SNX29: variants seen among roughly 807,000 people sequenced by gnomAD.
The protein encoded by SNX29 is sorting nexin 29, also known as sorting nexin-29.
SNX29 carries 78 observed loss-of-function variants against 102.1 expected under a neutral mutation model. That is an observed-to-expected ratio of 0.76 (90% CI 0.64 to 0.92). The LOEUF (loss-of-function observed/expected upper bound fraction) is 0.92, where lower values mean the gene tolerates loss of function less well. Ranked by LOEUF, SNX29 falls within the 40% of genes least tolerant of loss-of-function variation. The pLI is 0.00. For synonymous variants in SNX29, 580 were observed against 414.5 expected (o/e 1.40, Z -4.85); for missense variants, 1,280 against 1,061.7 (o/e 1.21, Z -2.86).
intron 13 of SNX29, among the ~76,000 whole-genome samples, chr16:12,138,048 C>T (rs368359044): frequency 6.6e-6 from 1 of 152,112 alleles, no homozygotes; most frequent in East Asian, 1.9e-4. Context: ...TTAGCAATGT[C>T]TGCCATGCCC....
chr16:12,542,426 C>T (rs1421007889), intron 20 of SNX29, among the ~76,000 whole-genome samples: 1 of 152,224 alleles, frequency 6.6e-6, no homozygotes, highest in Non-Finnish European at 1.5e-5. Context: ...GCCTTCGCCT[C>T]CCAAGTTCAA....
chr16:12,183,749 A>G (rs929530223), intron 13 of SNX29, among the ~76,000 whole-genome samples: 1 of 152,242 alleles, frequency 6.6e-6, no homozygotes, highest in African/African-American at 2.4e-5. Context: ...TGGATGAGAT[A>G]GGAGGTCGGC....
chr16:12,500,888 G>A (rs772682526), intron 19 of SNX29, among the ~76,000 whole-genome samples: 2 of 152,092 alleles, frequency 1.3e-5, no homozygotes, highest in Non-Finnish European at 2.9e-5. Context: ...CTTCCTCCCC[G>A]CCTCACCTTG....
chr16:12,218,584 TC>T (rs1264303359), intron 14 of SNX29, among the ~76,000 whole-genome samples: 4 of 152,216 alleles, frequency 2.6e-5, no homozygotes, highest in African/African-American at 9.7e-5. Context: ...TGTGTGCTGA[TC>T]CCTGGTCAAC....
chr16:12,365,162 A>G (rs1044909181), intron 16 of SNX29, among the ~76,000 whole-genome samples: 2 of 151,988 alleles, frequency 1.3e-5, no homozygotes, highest in East Asian at 1.9e-4. Flanking sequence ...ATGTTTTCCA[A>G]TTTCAAGCAA....
chr16:12,066,005 G>C (rs2051018793), intron 9 of SNX29, among the ~76,000 whole-genome samples: 1 of 152,166 alleles, frequency 6.6e-6, no homozygotes, highest in East Asian at 1.9e-4. Flanking sequence ...CAGAGCGTCA[G>C]GCCCACAACA....
chr16:12,289,311 C>T (rs142214128), intron 15 of SNX29, among the ~76,000 whole-genome samples: 1 of 152,298 alleles, frequency 6.6e-6, no homozygotes, highest in Non-Finnish European at 1.5e-5. Flanking sequence ...CTTCCTTCTT[C>T]CCTCCTCTCC....
intron 13 of SNX29, among the ~76,000 whole-genome samples, chr16:12,193,602 A>G (rs944383251): frequency 2.0e-5 from 3 of 152,222 alleles, no homozygotes; most frequent in Non-Finnish European, 4.4e-5. Flanking sequence ...ATTTTCTCCA[A>G]CATTTTCTTC....
At chr16:12,227,817 T>G (rs2077656197) in intron 14 of SNX29, among the ~76,000 whole-genome samples, 1 of 144,940 alleles carries the variant, frequency 6.9e-6, no homozygotes, top group Non-Finnish European at 1.5e-5. Flanking sequence ...GGAGAATTGC[T>G]TAAACCCAGG....
At chr16:12,551,889 C>T (rs540925774) in intron 20 of SNX29, among the ~76,000 whole-genome samples, 22 of 152,298 alleles carry the variant, frequency 1.4e-4, no homozygotes, top group African/African-American at 4.8e-4. Flanking sequence ...GTCTGCTCAT[C>T]TGTAAGGTAG....
rs140488753 is a variant in SNX29, at chr16:12,511,680, AC to A, written c.2179-13020del. 2.2e-3 allele frequency among the ~76,000 whole-genome samples: 329 copies of A among 152,302 alleles called. 1 individual carries two copies. The highest frequency in any genetic ancestry group is 3.5e-3 in the Non-Finnish European group (240 of 68,016). On this transcript the variant is annotated intron_variant, in intron 19 of 20. Coordinates refer to ENST00000566228, the MANE Select transcript of SNX29 (RefSeq NM_032167.5). ...TTCTAACATTTAGCAGTTTAATGAT[AC>A]CGCGTGAATGCTGTGGTGTAGTCTC...
At chr16:11,976,853 C>T in intron 1 of SNX29, 40 bp downstream of exon 1, 1 of 1,338,660 alleles carries the variant, frequency 7.5e-7, no homozygotes, top group East Asian at 3.1e-5. Context: ...CCCCGGCCGC[C>T]CCGGCTCCCG....
At chr16:12,538,873 C>G (rs1188612017) in intron 20 of SNX29, among the ~76,000 whole-genome samples, 2 of 150,912 alleles carry the variant, frequency 1.3e-5, no homozygotes, top group Non-Finnish European at 1.5e-5. Flanking sequence ...GTAGATGGGG[C>G]CATTTGTACA....
intron 15 of SNX29, among the ~76,000 whole-genome samples, chr16:12,354,503 G>C (rs1222286625): frequency 6.6e-6 from 1 of 152,146 alleles, no homozygotes. Context: ...TAACACTCTG[G>C]CTCCCACTGC....
intron 3 of SNX29, among the ~76,000 whole-genome samples, chr16:12,006,538 A>G (rs548424335): frequency 5.9e-4 from 89 of 151,468 alleles, no homozygotes; most frequent in Non-Finnish European, 1.2e-3. Flanking sequence ...AAAAAAAGCA[A>G]TAATAATAGT....
intron 20 of SNX29, among the ~76,000 whole-genome samples, chr16:12,560,135 T>TCCCCCCCC (rs57116555): frequency 5.2e-5 from 7 of 135,372 alleles, no homozygotes; most frequent in Non-Finnish European, 7.8e-5. Flanking sequence ...TGTGTTCCCC[T>TCCCCCCCC]CCCCCCCCCA....
chr16:12,299,500 C>T (rs975836473), intron 15 of SNX29, among the ~76,000 whole-genome samples: 1 of 152,140 alleles, frequency 6.6e-6, no homozygotes, highest in Non-Finnish European at 1.5e-5. Flanking sequence ...CTAGGCCCTT[C>T]TTGTACTTCA....
rs540241554 is a variant in SNX29 at position 12,159,261 on chromosome 16, A to G, written c.1595+29503A>G. On this transcript the variant is annotated intron_variant, in intron 13 of 20. Coordinates refer to ENST00000566228, the MANE Select transcript of SNX29 (RefSeq NM_032167.5). Reference sequence around the variant, plus strand: ...CCAGGGATAGCCTGTGGAGCATTGTAGGGAGTTGGCTTCATTCCTCACCCT... The same window carrying G: ...CCAGGGATAGCCTGTGGAGCATTGTGGGGAGTTGGCTTCATTCCTCACCCT... 7.2e-5 allele frequency among the ~76,000 whole-genome samples: 11 copies of G among 152,316 alleles called. No homozygotes were observed. The East Asian group carries it at 2.1e-3, about 29-fold the overall frequency.
chr16:12,032,293 C>T (rs1305628962), intron 4 of SNX29, among the ~76,000 whole-genome samples: 5 of 151,544 alleles, frequency 3.3e-5, no homozygotes, highest in African/African-American at 4.9e-5. Context: ...CCACAACCTC[C>T]GCCTCCTGGG....
Sources: gnomAD v4.1 joint callset for allele counts (sites outside exome capture counted in the v4.1 genomes callset) on GRCh38, gnomAD v4.1.1 for gene constraint, MANE v1.5 for transcripts, NCBI Gene and HGNC (gene_info 2026-07-23, HGNC 2026-07-21) for gene names.